Variants in PIK3R6 observed in about 807,000 individuals in gnomAD.
The protein encoded by PIK3R6 is phosphoinositide 3-kinase regulatory subunit 6.
PIK3R6 carries 91 observed loss-of-function variants against 84.9 expected under a neutral mutation model. The ratio of observed to expected loss-of-function variants is 1.07; its 90% CI spans 0.90 to 1.28. The LOEUF (loss-of-function observed/expected upper bound fraction) is 1.28. Ranked by LOEUF, PIK3R6 falls within the 50% of genes most tolerant of loss-of-function variation. The probability of loss-of-function intolerance (pLI) is 0.00; values close to 1 mark genes in which losing one functional copy is unlikely to be tolerated. For synonymous variants in PIK3R6, 416 were observed against 411.4 expected (o/e 1.01, Z -0.13); for missense variants, 996 against 985.1 (o/e 1.01, Z -0.15).
At position 8,803,976 on chromosome 17, in the gene PIK3R6, G is replaced by T; in HGVS notation, c.2108+65C>A. The T allele has an allele frequency of 7.2e-7, 1 of 1,394,974 alleles. No homozygotes were observed. Among genetic ancestry groups the T allele is most frequent in the Non-Finnish European group, 1.0e-6 (1 of 990,124 alleles). 86.4% of individuals were successfully genotyped at this position (1,394,974 alleles called of 1,614,324 possible). ...GAGCTAGAGGCAGGAGATGGCAGGA[G>T]CTGGCTCCTGCTTCAGTTTGTCCCA... On this transcript the variant is annotated intron_variant, in intron 19 of 19. Coordinates refer to ENST00000619866, the MANE Select transcript of PIK3R6 (RefSeq NM_001010855.4). The surrounding 1 kb of genome is among the most constrained non-coding windows in gnomAD (Gnocchi z 5.0).
intron 18 of PIK3R6, among the ~76,000 whole-genome samples, chr17:8,813,920 G>T (rs1171323839): frequency 6.6e-6 from 1 of 152,078 alleles, no homozygotes; most frequent in African/African-American, 2.4e-5. Flanking sequence ...TCAGAAAAGA[G>T]AAAGAAATAA....
rs938194052 is a variant in PIK3R6, at chr17:8,828,557, G to A, written c.1313+10C>T. The A allele has an allele frequency of 2.5e-6, 4 of 1,610,482 alleles. No individual in the cohort carries two copies. Among genetic ancestry groups the A allele is most frequent in the Non-Finnish European group, 3.4e-6 (4 of 1,179,234 alleles). The stretch of plus-strand genomic sequence containing the variant: ...AGCGCCCACCCCCAGCCCCCACGTC[G>A]GGGCCCCACCTGAGTCTGTGGTAGG... On this transcript the variant is annotated intron_variant, in intron 11 of 19. Coordinates refer to ENST00000619866, the MANE Select transcript of PIK3R6 (RefSeq NM_001010855.4).
rs777834946 is a variant in PIK3R6, at chr17:8,849,764, TC to T, written c.13+17del. On this transcript the variant is annotated intron_variant, in intron 2 of 19. Coordinates refer to ENST00000619866, the MANE Select transcript of PIK3R6 (RefSeq NM_001010855.4). ...CGGCAGCAGGCTCACTAGACCCCTTTCCCCCCACCACACTGACCTGAGCTCT... is the reference window on the plus strand; with the variant it reads ...CGGCAGCAGGCTCACTAGACCCCTTTCCCCCACCACACTGACCTGAGCTCT... 3.4e-5 allele frequency: 54 copies of T among 1,610,060 alleles called. No individual in the cohort carries two copies. The highest frequency in any genetic ancestry group is 1.6e-4 in the Middle Eastern group (1 of 6,068).
chr17:8,852,962 G>A (rs1203184829), intron 1 of PIK3R6, among the ~76,000 whole-genome samples: 1 of 151,462 alleles, frequency 6.6e-6, no homozygotes, highest in Admixed American at 6.6e-5. Context: ...TATCTGAAGG[G>A]AAATATTGGA....
At chr17:8,805,849 C>T (rs1244912253) in intron 18 of PIK3R6, among the ~76,000 whole-genome samples, 1 of 151,552 alleles carries the variant, frequency 6.6e-6, no homozygotes, top group African/African-American at 2.4e-5. Context: ...ACCCAGGAGG[C>T]AGAGATTGCA....
At chr17:8,849,750 T>A (rs1351999276) in intron 2 of PIK3R6, 32 bp downstream of exon 2, 1 of 1,600,614 alleles carries the variant, frequency 6.2e-7, no homozygotes. Flanking sequence ...GGCAGCAGGC[T>A]CACTAGACCC....
intron 17 of PIK3R6, among the ~76,000 whole-genome samples, chr17:8,820,386 A>G (rs540791784): frequency 7.9e-5 from 12 of 151,718 alleles, no homozygotes; most frequent in African/African-American, 2.9e-4. Flanking sequence ...CTATGCACAC[A>G]AATTAGTAGC....
chr17:8,837,945 C>T (rs1597416486), intron 4 of PIK3R6, 74 bp from the exon 5 acceptor site: 14 of 1,353,974 alleles, frequency 1.0e-5, no homozygotes, highest in Non-Finnish European at 1.5e-5. Flanking sequence ...GCAGTCTAGG[C>T]TGGGAGTGGG....
At chr17:8,857,682 A>G (rs1419567090) in intron 1 of PIK3R6, among the ~76,000 whole-genome samples, 1 of 152,164 alleles carries the variant, frequency 6.6e-6, no homozygotes, top group Non-Finnish European at 1.5e-5. Context: ...CAGGCGGATC[A>G]CAAGATCAGG....
chr17:8,819,689 T>TAC (rs59882941), intron 17 of PIK3R6, among the ~76,000 whole-genome samples: 2,301 of 135,834 alleles, frequency 0.017, 71 homozygotes, highest in African/African-American at 0.058. Flanking sequence ...TATATATATA[T>TAC]ACACACACAC....
chr17:8,864,934 T>C (rs1295658068), intron 1 of PIK3R6, among the ~76,000 whole-genome samples: 1 of 152,088 alleles, frequency 6.6e-6, no homozygotes, highest in Non-Finnish European at 1.5e-5. Flanking sequence ...ACACAGAACA[T>C]CAGCACTGAA....
intron 17 of PIK3R6, among the ~76,000 whole-genome samples, chr17:8,821,365 C>A (rs1343489875): frequency 6.6e-6 from 1 of 152,188 alleles, no homozygotes; most frequent in Non-Finnish European, 1.5e-5. Context: ...AGCTTCACTG[C>A]CTGGCCTCTG....
intron 2 of PIK3R6, among the ~76,000 whole-genome samples, chr17:8,849,212 G>A (rs1005523912): frequency 1.1e-4 from 16 of 152,194 alleles, no homozygotes; most frequent in East Asian, 3.9e-4. Flanking sequence ...GATAATCATC[G>A]TGCTAGCCCC....
At chr17:8,863,214 T>G (rs2089322173) in intron 1 of PIK3R6, among the ~76,000 whole-genome samples, 1 of 152,140 alleles carries the variant, frequency 6.6e-6, no homozygotes, top group African/African-American at 2.4e-5. Context: ...AGATTTAAAT[T>G]TAAACTTTTA....
chr17:8,820,100 C>T (rs2087685688), intron 17 of PIK3R6, among the ~76,000 whole-genome samples: 2 of 148,870 alleles, frequency 1.3e-5, no homozygotes, highest in South Asian at 4.3e-4. Context: ...GCGGGCTCCA[C>T]CACACTGGCT....
Position 8,835,356 on chromosome 17 carries a change from A to G in PIK3R6, c.562T>C (p.Cys188Arg). Residue 188 changes from cysteine (C) to arginine (R), a missense_variant, in exon 8 of 20, where the codon TGC (cysteine) becomes CGC (arginine). Cys to Arg is a radical substitution (Grantham distance 180, BLOSUM62 -3). Transcript: ENST00000619866. ...GCGTGGGAGACCACGTGGCGCATGC[A>G]GGTCTCTGGTGTCTGCTGCGCCTGG... is the stretch of plus-strand genomic sequence containing the variant. The part of the protein sequence containing the change: ...AAQAQQTPET[C>R]MRHVVSHALQ... 2 of 1,611,334 alleles carry G rather than the reference A, an allele frequency of 1.2e-6. No homozygotes were observed. Among genetic ancestry groups the G allele is most frequent in the Non-Finnish European group, 1.7e-6 (2 of 1,178,242 alleles).
chr17:8,829,717 T>C lies in PIK3R6; in HGVS notation c.878A>G (p.Glu293Gly). The C allele has an allele frequency of 6.4e-7, 1 of 1,552,916 alleles. No individual in the cohort carries two copies. Among genetic ancestry groups the C allele is most frequent in the Non-Finnish European group, 8.7e-7 (1 of 1,147,842 alleles). Residue 293 changes from glutamate to glycine, a missense_variant, in exon 10 of 20, where the codon GAG becomes GGG. Physicochemically the swap from Glu to Gly is moderately conservative, Grantham distance 98. Transcript: ENST00000619866. Reference sequence around the variant, plus strand: ...CCATGGGCACGTACAGAGCTGCTCCTCACCGGTCCACAAGTGGAAGGTGAT... The same window carrying C: ...CCATGGGCACGTACAGAGCTGCTCCCCACCGGTCCACAAGTGGAAGGTGAT... ...PYITFHLWTG[E>G]EQLWKELVLF... is the part of the protein sequence containing the mutation.
At chr17:8,854,604 C>A (rs2089076665) in intron 1 of PIK3R6, among the ~76,000 whole-genome samples, 1 of 152,170 alleles carries the variant, frequency 6.6e-6, no homozygotes, top group Non-Finnish European at 1.5e-5. Context: ...AGAAAGGAGT[C>A]TTTTCAACAA....
chr17:8,815,724 A>G (rs2087512337), intron 18 of PIK3R6, among the ~76,000 whole-genome samples: 2 of 152,190 alleles, frequency 1.3e-5, no homozygotes, highest in Admixed American at 1.3e-4. Flanking sequence ...CTACAAGCTC[A>G]GTGAAAGACT....
Sources: allele counts gnomAD v4.1 joint callset (sites outside exome capture counted in the v4.1 genomes callset), GRCh38; gene constraint gnomAD v4.1.1; non-coding constraint Gnocchi (gnomAD v3.1); transcripts MANE v1.5; gene names NCBI Gene and HGNC (gene_info 2026-07-23, HGNC 2026-07-21).